The following COL13A1 variants were observed in gnomAD, a reference collection of about 807,000 sequenced individuals.
The protein encoded by COL13A1 is collagen alpha-1(XIII) chain.
In COL13A1, 89 loss-of-function variants were observed where a neutral mutation model predicts 130.9. The ratio of observed to expected loss-of-function variants is 0.68; its 90% CI spans 0.57 to 0.81. The LOEUF (loss-of-function observed/expected upper bound fraction) is 0.81, where lower values mean the gene tolerates loss of function less well. Among genes scored for constraint, COL13A1 ranks in the 30% least tolerant of loss-of-function variants. COL13A1 has a pLI of 0.00. For missense variants in COL13A1, 879 were observed against 934.6 expected (o/e 0.94, Z 0.78); for synonymous variants, 402 against 341.6 (o/e 1.18, Z -1.95).
At chr10:69,910,484 ATG>A (rs1402281513) in intron 17 of COL13A1, among the ~76,000 whole-genome samples, 2 of 152,054 alleles carry the variant, frequency 1.3e-5, no homozygotes, top group Non-Finnish European at 2.9e-5. Flanking sequence ...AAGTTTGCTA[ATG>A]TCCACCACCA....
Position 69,866,711 on chromosome 10 carries a change from C to T in COL13A1, c.365-1087C>T, listed in dbSNP as rs1325745101. 5.9e-5 allele frequency among the ~76,000 whole-genome samples: 9 copies of T among 152,236 alleles called. No individual in the cohort carries two copies. The South Asian group carries it at 1.7e-3, about 28-fold the overall frequency. On this transcript the variant is annotated intron_variant, in intron 2 of 40. Transcript: ENST00000645393. ...ACTGTGTTCCTCCTTAACGTGATGG[C>T]TTGACAGAGGCCAGCATGAAAGAGG...
At chr10:69,952,785 TTTTTAA>T (rs2069829020) in intron 38 of COL13A1, 91 bp from the exon 39 acceptor site, 1 of 891,764 alleles carries the variant, frequency 1.1e-6, no homozygotes. Context: ...TCTTTTTCCC[TTTTTAA>T]TTTTATTTTT....
chr10:69,808,534 C>T (rs774619911), intron 1 of COL13A1, among the ~76,000 whole-genome samples: 2 of 152,244 alleles, frequency 1.3e-5, no homozygotes, highest in Non-Finnish European at 2.9e-5. Flanking sequence ...GAATCCTTCT[C>T]GACACAGTCC....
chr10:69,830,986 A>G (rs1175042796), intron 2 of COL13A1, among the ~76,000 whole-genome samples: 1 of 152,216 alleles, frequency 6.6e-6, no homozygotes, highest in Non-Finnish European at 1.5e-5. Flanking sequence ...AGGTTTATCC[A>G]TGTTGTAGCA....
intron 27 of COL13A1, among the ~76,000 whole-genome samples, chr10:69,927,512 G>A (rs1242441356): frequency 1.3e-5 from 2 of 152,114 alleles, no homozygotes; most frequent in Non-Finnish European, 2.9e-5. Flanking sequence ...AACCTACCAC[G>A]TATCCCCCTT....
intron 2 of COL13A1, among the ~76,000 whole-genome samples, chr10:69,857,575 A>C (rs1243681761): frequency 2.0e-5 from 3 of 152,216 alleles, no homozygotes; most frequent in Non-Finnish European, 4.4e-5. Flanking sequence ...TCTACGTTGC[A>C]CACTCCTTAT....
At chr10:69,880,453 C>T in intron 6 of COL13A1, 50 bp from the exon 7 acceptor site, 1 of 1,069,894 alleles carries the variant, frequency 9.3e-7, no homozygotes. Context: ...CTCCTCTTCT[C>T]CATACCTCCC....
intron 32 of COL13A1, among the ~76,000 whole-genome samples, chr10:69,935,704 C>T (rs1223993349): frequency 5.3e-5 from 8 of 152,140 alleles, no homozygotes; most frequent in Admixed American, 3.3e-4. Context: ...TCCCATTCCT[C>T]ATTTGAAAGT....
intron 1 of COL13A1, among the ~76,000 whole-genome samples, chr10:69,814,232 C>T (rs1284279841): frequency 6.6e-6 from 1 of 152,254 alleles, no homozygotes; most frequent in Non-Finnish European, 1.5e-5. Flanking sequence ...CTTCCTTCAA[C>T]TCCTAGTTCT....
intron 2 of COL13A1, among the ~76,000 whole-genome samples, chr10:69,826,541 G>A (rs1439028488): frequency 1.3e-5 from 2 of 152,220 alleles, no homozygotes; most frequent in Non-Finnish European, 2.9e-5. Flanking sequence ...GCTGCCTTCC[G>A]GGTCAGTGTG....
chr10:69,911,200 T>C (rs1181562840), intron 17 of COL13A1, among the ~76,000 whole-genome samples: 2 of 152,130 alleles, frequency 1.3e-5, no homozygotes, highest in Non-Finnish European at 2.9e-5. Flanking sequence ...CCCTTCCCCT[T>C]GCCCCTTCTC....
intron 1 of COL13A1, among the ~76,000 whole-genome samples, chr10:69,809,404 A>G (rs1842393860): frequency 1.3e-5 from 2 of 152,374 alleles, no homozygotes; most frequent in African/African-American, 4.8e-5. Flanking sequence ...ACCAGGGACT[A>G]TTCAAAGACC....
At chr10:69,894,797 T>C in intron 12 of COL13A1, 96 bp downstream of exon 12, 3 of 1,526,986 alleles carry the variant, frequency 2.0e-6, no homozygotes, top group Non-Finnish European at 2.7e-6. Flanking sequence ...AAACTTCAGT[T>C]TTAATTGACA....
At chr10:69,935,490 T>G in intron 32 of COL13A1, 99 bp downstream of exon 32, 1 of 893,706 alleles carries the variant, frequency 1.1e-6, no homozygotes, top group Non-Finnish European at 1.7e-6. Flanking sequence ...CACCTCTTCC[T>G]CCCAGGGAGG....
intron 2 of COL13A1, among the ~76,000 whole-genome samples, chr10:69,851,528 C>T (rs910965018): frequency 6.6e-6 from 1 of 152,234 alleles, no homozygotes; most frequent in African/African-American, 2.4e-5. Context: ...TTTCTCCCTG[C>T]GCTGTCTAAT....
intron 35 of COL13A1, among the ~76,000 whole-genome samples, chr10:69,943,371 G>C (rs1029834227): frequency 1.3e-5 from 2 of 152,232 alleles, no homozygotes; most frequent in Non-Finnish European, 2.9e-5. Flanking sequence ...CGCTGAACTA[G>C]AGACTTGGTC....
intron 24 of COL13A1, 98 bp from the exon 25 acceptor site, chr10:69,924,865 G>T: frequency 2.4e-6 from 3 of 1,242,540 alleles, no homozygotes; most frequent in Non-Finnish European, 3.2e-6. Context: ...TAAGAGCTAA[G>T]ATGAGCCTCC....
intron 36 of COL13A1, among the ~76,000 whole-genome samples, chr10:69,944,812 C>T (rs80113172): frequency 0.021 from 3,126 of 152,316 alleles, 80 homozygotes; most frequent in South Asian, 0.1. Context: ...AGGCCCTGGG[C>T]GCCATTGTCA....
At chr10:69,874,149 G>T (rs1221593183) in intron 4 of COL13A1, among the ~76,000 whole-genome samples, 2 of 152,236 alleles carry the variant, frequency 1.3e-5, no homozygotes, top group Non-Finnish European at 2.9e-5. Flanking sequence ...GACCTTATGT[G>T]TTAATTTTAA....
Sources: allele counts gnomAD v4.1 joint callset (sites outside exome capture counted in the v4.1 genomes callset), GRCh38; gene constraint gnomAD v4.1.1; transcripts MANE v1.5; gene names NCBI Gene and HGNC (gene_info 2026-07-23, HGNC 2026-07-21).